RPS19: variants seen among roughly 807,000 people sequenced by gnomAD.
RPS19 encodes small ribosomal subunit protein eS19.
RPS19 carries 1 observed loss-of-function variant against 20.3 expected under a neutral mutation model. The observed-to-expected ratio is 0.05, with a 90% CI of 0.02 to 0.23. The LOEUF (loss-of-function observed/expected upper bound fraction) is 0.23. RPS19 is among the 10% of genes least tolerant of loss of function. The pLI is 1.00. For synonymous variants in RPS19, 87 were observed against 74.8 expected, an observed-to-expected ratio of 1.16 and a Z score of -0.84; for missense variants, 111 against 192.7, an observed-to-expected ratio of 0.58 and a Z score of 2.51.
At chr19:41,865,734 G>A (rs1555840292) in intron 3 of RPS19, among the ~76,000 whole-genome samples, 1 of 151,702 alleles carries the variant, frequency 6.6e-6, no homozygotes. Context: ...GGATCATGAG[G>A]TCAAGAGATC....
intron 3 of RPS19, among the ~76,000 whole-genome samples, chr19:41,861,884 A>G (rs1555839359): frequency 6.6e-6 from 1 of 152,158 alleles, no homozygotes; most frequent in Non-Finnish European, 1.5e-5. Flanking sequence ...CAATCTTCCA[A>G]TAATAATTTA....
chr19:41,866,909 C>G (rs1346899674), intron 3 of RPS19, among the ~76,000 whole-genome samples: 1 of 152,032 alleles, frequency 6.6e-6, no homozygotes. Context: ...CCCAGCTACT[C>G]TGGAGGCTGA....
chr19:41,861,286 C>T (rs1035306994), intron 3 of RPS19, 74 bp downstream of exon 3: 12 of 1,076,544 alleles, frequency 1.1e-5, no homozygotes, highest in Admixed American at 3.6e-5. Context: ...TTCCCTGTCT[C>T]CTCTGAGCTC....
Position 41,870,848 on chromosome 19 carries a change from C to T in RPS19, c.412-503C>T, listed in dbSNP as rs372898529. ...TTGGACTCCACTCCGCCACTCCCTT[C>T]CTTTTTTTTTTTTTTTTTTTTTTTT... On this transcript the variant is annotated intron_variant, in intron 5 of 5. Transcript: ENST00000598742. Among the ~76,000 whole-genome samples the T allele has an allele frequency of 1.1e-3, 97 of 85,764 alleles. 3 individuals are homozygous for T. The highest frequency in any genetic ancestry group is 3.8e-3 in the African/African-American group (86 of 22,540). 56.3% of individuals were successfully genotyped at this position (85,764 alleles called of 152,430 possible). A position where few individuals can be genotyped will look rare whatever the true frequency, so the allele number is the denominator to read the frequency against.
At chr19:41,866,018 C>T (rs2074084386) in intron 3 of RPS19, among the ~76,000 whole-genome samples, 1 of 149,926 alleles carries the variant, frequency 6.7e-6, no homozygotes, top group Non-Finnish European at 1.5e-5. Flanking sequence ...CTTTGGGAGG[C>T]CGAGGCGGGC....
At chr19:41,870,897 C>G (rs1450770206) in intron 5 of RPS19, among the ~76,000 whole-genome samples, 1 of 108,916 alleles carries the variant, frequency 9.2e-6, no homozygotes, top group Non-Finnish European at 1.7e-5. Context: ...GAGTCTTGCT[C>G]TGTCGCCCAG....
intron 3 of RPS19, among the ~76,000 whole-genome samples, chr19:41,862,029 G>A (rs1367767198): frequency 4.3e-5 from 5 of 116,344 alleles, no homozygotes; most frequent in South Asian, 6.4e-4. Flanking sequence ...CCTTAGCACC[G>A]ACCTTCACTA....
At position 41,872,288 on chromosome 19, in the gene RPS19, C is replaced by T. The variant is rs1315856499; in HGVS notation, c.*911C>T. 4 of 152,268 alleles carry T rather than the reference C, an allele frequency of 2.6e-5. No individual in the cohort carries two copies. The highest frequency in any genetic ancestry group is 5.9e-5 in the Non-Finnish European group (4 of 68,058). 9.4% of individuals were successfully genotyped at this position (152,268 alleles called of 1,614,324 possible). ...CTTAGGGCCCGCTGTGACCAGATGT[C>T]CCTCCCAGTTGGGAAGACTAAACTG... On this transcript the variant is annotated 3_prime_UTR_variant, in exon 6 of 6. Transcript: ENST00000598742.
chr19:41,862,093 C>T (rs2074038235), intron 3 of RPS19, among the ~76,000 whole-genome samples: 1 of 152,126 alleles, frequency 6.6e-6, no homozygotes, highest in South Asian at 2.1e-4. Context: ...AGTGGGGACT[C>T]CATCCTGACC....
In RPS19 at chr19:41,872,868, C is replaced by G. The variant is rs2074163767; in HGVS notation, c.*1491C>G. The G allele has an allele frequency of 6.6e-6, 1 of 152,152 alleles. No homozygotes were observed. The highest frequency in any genetic ancestry group is 1.5e-5 in the Non-Finnish European group (1 of 68,048). 9.4% of individuals were successfully genotyped at this position (152,152 alleles called of 1,614,324 possible). A position where few individuals can be genotyped will look rare whatever the true frequency, so the allele number is the denominator to read the frequency against. ...TGAGATCGAGCAATTGCAATCCAGC[C>G]TGGGCAACAGAGCGAGACTCCATTT... On this transcript the variant is annotated 3_prime_UTR_variant, in exon 6 of 6. Transcript: ENST00000598742.
chr19:41,865,509 G>A (rs1282464919), intron 3 of RPS19, among the ~76,000 whole-genome samples: 1 of 152,146 alleles, frequency 6.6e-6, no homozygotes, highest in African/African-American at 2.4e-5. Context: ...CTCCTGAGGA[G>A]GAACGGTGTC....
intron 3 of RPS19, among the ~76,000 whole-genome samples, chr19:41,866,792 G>A (rs2074094917): frequency 6.6e-6 from 1 of 152,066 alleles, no homozygotes; most frequent in Non-Finnish European, 1.5e-5. Context: ...CAAGGCAGGT[G>A]GATTACGAGG....
At chr19:41,860,963 CT>C in intron 2 of RPS19, 118 bp downstream of exon 2, 1 of 1,140,556 alleles carries the variant, frequency 8.8e-7, no homozygotes, top group Non-Finnish European at 1.3e-6. Context: ...TCCGTGGCTC[CT>C]TTCAGCGTGA....
chr19:41,869,190 A>C lies in RPS19; in HGVS notation c.332A>C (p.Lys111Thr). 8 of 1,613,798 alleles carry C rather than the reference A, an allele frequency of 5.0e-6. No individual in the cohort carries two copies. The highest frequency in any genetic ancestry group is 6.8e-6 in the Non-Finnish European group (8 of 1,179,962). The change falls in exon 4 of 6, where the codon AAA (lysine) becomes ACA (threonine). Residue 111 changes from lysine (K) to threonine (T), a missense_variant. Physicochemically the swap from Lys to Thr is moderately conservative, Grantham distance 78. Transcript: ENST00000598742. ...GTCCTCCAAGCCCTGGAGGGGCTGA[A>C]AATGGTGGAAAAGGACCAAGATGGG... Reference protein sequence around the residue: ...RRVLQALEGLKMVEKDQDGGR... With the variant: ...RRVLQALEGLTMVEKDQDGGR...
rs35987051 is a variant in RPS19 at position 41,870,849 on chromosome 19, C to CTTTTTTTTT, written c.412-479_412-471dup. On this transcript the variant is annotated intron_variant, in intron 5 of 5. Coordinates refer to ENST00000598742, the MANE Select transcript of RPS19 (RefSeq NM_001022.4). ...TGGACTCCACTCCGCCACTCCCTTC[C>CTTTTTTTTT]TTTTTTTTTTTTTTTTTTTTTTTTT... Among the ~76,000 whole-genome samples, 62 of 44,026 alleles carry CTTTTTTTTT rather than the reference C, an allele frequency of 1.4e-3. 1 individual carries two copies. Among genetic ancestry groups the CTTTTTTTTT allele is most frequent in the African/African-American group, 5.2e-3 (57 of 10,862 alleles). The allele number at this position is 44,026 out of a possible 152,430, so 28.9% of individuals were successfully genotyped here. A position where few individuals can be genotyped will look rare whatever the true frequency, so the allele number is the denominator to read the frequency against.
chr19:41,861,474 T>C (rs2074031546), intron 3 of RPS19: 2 of 499,890 alleles, frequency 4.0e-6, no homozygotes. Flanking sequence ...CATATTTTGC[T>C]TACAGGTGGT....
At chr19:41,861,418 A>T in intron 3 of RPS19, 1 of 593,486 alleles carries the variant, frequency 1.7e-6, no homozygotes, top group Non-Finnish European at 3.0e-6. Context: ...TGAGAGGAGG[A>T]CCTGTGGCTT....
rs1312551139 is a variant in RPS19 at position 41,860,893 on chromosome 19, G to T, written c.71+48G>T. 3 of 1,524,654 alleles carry T rather than the reference G, an allele frequency of 2.0e-6. No individual in the cohort carries two copies. In the Admixed American group the frequency reaches 5.0e-5, roughly 26 times the overall value. 94.4% of individuals were successfully genotyped at this position (1,524,654 alleles called of 1,614,324 possible). On this transcript the variant is annotated intron_variant, in intron 2 of 5. Coordinates refer to ENST00000598742, the MANE Select transcript of RPS19 (RefSeq NM_001022.4). ...AAAACGGGTGGAGGCTGTCGCCTTG[G>T]CCTGCCCATCTGAGCCCCAGTGTTT... is the stretch of plus-strand genomic sequence containing the variant.
In RPS19 at chr19:41,872,724, CCT is replaced by C. The variant is rs2074162408; in HGVS notation, c.*1348_*1349del. 6.6e-6 allele frequency: 1 copy of C among 152,150 alleles called. No individual in the cohort carries two copies. Among genetic ancestry groups the C allele is most frequent in the Non-Finnish European group, 1.5e-5 (1 of 68,032 alleles). 9.4% of individuals were successfully genotyped at this position (152,150 alleles called of 1,614,324 possible). On this transcript the variant is annotated 3_prime_UTR_variant, in exon 6 of 6. Transcript: ENST00000598742. ...AACAGCCTGACCAACATGGAGAAAC[CCT>C]GTCTCTAAAAATACCAAAATTAGTT...
Sources: gnomAD v4.1 joint callset for allele counts (sites outside exome capture counted in the v4.1 genomes callset) on GRCh38, gnomAD v4.1.1 for gene constraint, MANE v1.5 for transcripts, NCBI Gene and HGNC (gene_info 2026-07-23, HGNC 2026-07-21) for gene names.